Variants in ATP8A2 observed in about 807,000 individuals in gnomAD.
The protein encoded by ATP8A2 is phospholipid-transporting ATPase IB.
Under a neutral mutation model 165.6 loss-of-function variants are expected in ATP8A2, and 100 were observed. The observed-to-expected ratio is 0.60, with a 90% CI of 0.51 to 0.71. The LOEUF (loss-of-function observed/expected upper bound fraction) is 0.71, where lower values mean the gene tolerates loss of function less well. Among genes scored for constraint, ATP8A2 ranks in the 30% least tolerant of loss-of-function variants. The probability of loss-of-function intolerance (pLI) is 0.00; values close to 1 mark genes in which losing one functional copy is unlikely to be tolerated. For missense variants in ATP8A2, 1,227 were observed against 1,479.5 expected (o/e 0.83, Z 2.80); for synonymous variants, 543 against 548.8 (o/e 0.99, Z 0.15).
intron 24 of ATP8A2, among the ~76,000 whole-genome samples, chr13:25,663,629 T>A (rs909047986): frequency 2.0e-5 from 3 of 152,156 alleles, no homozygotes; most frequent in Non-Finnish European, 4.4e-5. Context: ...GAACTAGAAT[T>A]CTCTTTGTTC....
At chr13:25,876,461 G>C (rs753444871) in intron 33 of ATP8A2, among the ~76,000 whole-genome samples, 19 of 152,170 alleles carry the variant, frequency 1.2e-4, no homozygotes, top group Non-Finnish European at 2.5e-4. Flanking sequence ...GGGAGGACGA[G>C]GAGCCTGACT....
chr13:25,931,420 A>G (rs1255753818), intron 33 of ATP8A2, among the ~76,000 whole-genome samples: 1 of 152,186 alleles, frequency 6.6e-6, no homozygotes, highest in Non-Finnish European at 1.5e-5. Context: ...TTCAACCTGT[A>G]TATTGCTTTA....
intron 32 of ATP8A2, among the ~76,000 whole-genome samples, chr13:25,861,110 G>A (rs1952337920): frequency 6.6e-6 from 1 of 152,048 alleles, no homozygotes; most frequent in Non-Finnish European, 1.5e-5. Context: ...TTTGCTCATT[G>A]TAAAAACAAA....
At chr13:25,449,618 T>A (rs528665365) in intron 1 of ATP8A2, among the ~76,000 whole-genome samples, 1 of 152,322 alleles carries the variant, frequency 6.6e-6, no homozygotes, top group East Asian at 1.9e-4. Flanking sequence ...TTATTTTCTT[T>A]CTCTGTGTTG....
At chr13:25,609,526 A>G (rs2040602456) in intron 24 of ATP8A2, among the ~76,000 whole-genome samples, 1 of 148,138 alleles carries the variant, frequency 6.8e-6, no homozygotes. Flanking sequence ...CCAAATATAT[A>G]TATATTTGGG....
intron 4 of ATP8A2, 73 bp from the exon 5 acceptor site, chr13:25,532,199 T>G (rs1489899768): frequency 8.4e-7 from 1 of 1,191,874 alleles, no homozygotes; most frequent in African/African-American, 1.5e-5. Flanking sequence ...ATTTCCTGAT[T>G]GTTTTGTTTG....
intron 25 of ATP8A2, among the ~76,000 whole-genome samples, chr13:25,753,054 C>T (rs1400436682): frequency 6.6e-6 from 1 of 152,158 alleles, no homozygotes; most frequent in Non-Finnish European, 1.5e-5. Context: ...TTTGTGCCCT[C>T]CCTCGGTCTC....
intron 27 of ATP8A2, among the ~76,000 whole-genome samples, chr13:25,792,327 T>C (rs2045200537): frequency 6.6e-6 from 1 of 152,228 alleles, no homozygotes; most frequent in Admixed American, 6.5e-5. Flanking sequence ...CATCCATATG[T>C]AACTGACCGA....
chr13:25,657,786 A>G lies in ATP8A2; in HGVS notation c.2212-41387A>G, dbSNP rs1364074641. On this transcript the variant is annotated intron_variant, in intron 24 of 36. Coordinates refer to ENST00000381655, the MANE Select transcript of ATP8A2 (RefSeq NM_016529.6). ...ATGCTTGACTTTGGTCATTCAGGAA[A>G]TACCTACTGTGTGCGTTAACACGTA... is the stretch of plus-strand genomic sequence containing the variant. Among the ~76,000 whole-genome samples the G allele has an allele frequency of 2.6e-5, 4 of 152,246 alleles. 1 individual carries two copies. Among genetic ancestry groups the G allele is most frequent in the Middle Eastern group, 6.3e-3 (2 of 316 alleles).
chr13:25,747,059 C>T (rs941493881), intron 25 of ATP8A2, among the ~76,000 whole-genome samples: 5 of 152,126 alleles, frequency 3.3e-5, no homozygotes, highest in African/African-American at 1.2e-4. Context: ...GTTTCCTGAC[C>T]TCATCCAAGG....
At chr13:25,983,795 T>C (rs1956218502) in intron 35 of ATP8A2, among the ~76,000 whole-genome samples, 2 of 152,144 alleles carry the variant, frequency 1.3e-5, no homozygotes, top group South Asian at 2.1e-4. Context: ...AAGGTAATGA[T>C]GACAAATAGT....
intron 33 of ATP8A2, among the ~76,000 whole-genome samples, chr13:25,954,208 G>T (rs545933132): frequency 2.0e-5 from 3 of 152,312 alleles, no homozygotes; most frequent in South Asian, 4.1e-4. Context: ...TGAGTAGGTG[G>T]TTTTCCCCTC....
chr13:25,684,754 CT>C (rs11324437), intron 24 of ATP8A2, among the ~76,000 whole-genome samples: 145,868 of 151,910 alleles, frequency 0.96, 70,113 homozygotes, highest in Middle Eastern at 0.98. Flanking sequence ...AGCCACTTCT[CT>C]TTTTTTTTGT....
At chr13:25,638,870 C>T (rs771645505) in intron 24 of ATP8A2, among the ~76,000 whole-genome samples, 1 of 152,118 alleles carries the variant, frequency 6.6e-6, no homozygotes, top group Non-Finnish European at 1.5e-5. Context: ...GGTCGGGTTA[C>T]CCACAAAGAG....
intron 33 of ATP8A2, among the ~76,000 whole-genome samples, chr13:25,874,077 C>T (rs138574728): frequency 2.0e-5 from 3 of 152,210 alleles, no homozygotes; most frequent in Admixed American, 6.5e-5. Flanking sequence ...ATTCCTCTAC[C>T]GGAGCCAGAG....
chr13:25,672,538 C>T (rs2042289155), intron 24 of ATP8A2, among the ~76,000 whole-genome samples: 1 of 152,162 alleles, frequency 6.6e-6, no homozygotes, highest in South Asian at 2.1e-4. Context: ...TTTTTCAAAT[C>T]TGTGCCACCT....
chr13:26,011,021 G>A (rs1384080318), intron 35 of ATP8A2, among the ~76,000 whole-genome samples: 1 of 152,140 alleles, frequency 6.6e-6, no homozygotes, highest in African/African-American at 2.4e-5. Context: ...TGCAGTCATG[G>A]GAGGGGCCTC....
chr13:25,534,056 C>G (rs547929702), intron 6 of ATP8A2: 7 of 445,990 alleles, frequency 1.6e-5, no homozygotes, highest in East Asian at 6.9e-5. Flanking sequence ...GTTCTTCTTG[C>G]TAAATAAACA....
At chr13:25,874,885 A>T (rs1269331459) in intron 33 of ATP8A2, among the ~76,000 whole-genome samples, 4 of 138,356 alleles carry the variant, frequency 2.9e-5, no homozygotes, top group African/African-American at 1.2e-4. Flanking sequence ...ATTCAACCTC[A>T]CAAAAGAAGG....
Sources: gnomAD v4.1 joint callset for allele counts (sites outside exome capture counted in the v4.1 genomes callset) on GRCh38, gnomAD v4.1.1 for gene constraint, MANE v1.5 for transcripts, NCBI Gene and HGNC (gene_info 2026-07-23, HGNC 2026-07-21) for gene names.